The following LRRC20 variants were observed in gnomAD, a reference collection of about 807,000 sequenced individuals.
The protein encoded by LRRC20 is leucine-rich repeat-containing protein 20.
A neutral mutation model predicts 14.4 loss-of-function variants in LRRC20; 11 were observed. The ratio of observed to expected loss-of-function variants is 0.77; its 90% confidence interval spans 0.48 to 1.27. The LOEUF (loss-of-function observed/expected upper bound fraction) is 1.27. Among genes scored for constraint, LRRC20 ranks in the 50% most tolerant of loss-of-function variants. LRRC20 has a pLI of 0.00. For missense variants in LRRC20, 219 were observed against 251.2 expected (o/e 0.87, Z 0.87); for synonymous variants, 121 against 107.3 (o/e 1.13, Z -0.79).
chr10:70,306,102 G>GTCTCTC (rs55733521), intron 4 of LRRC20, among the ~76,000 whole-genome samples: 62 of 144,626 alleles, frequency 4.3e-4, no homozygotes, highest in African/African-American at 7.7e-4. Flanking sequence ...TGCATTTTCT[G>GTCTCTC]TCTCTCTCTC....
intron 2 of LRRC20, among the ~76,000 whole-genome samples, chr10:70,363,502 T>C (rs1843835085): frequency 6.6e-6 from 1 of 152,170 alleles, no homozygotes; most frequent in African/African-American, 2.4e-5. Context: ...GAAATAAATC[T>C]CTGCTGTTCA....
chr10:70,326,564 A>G (rs1228563220), intron 3 of LRRC20, among the ~76,000 whole-genome samples: 1 of 152,156 alleles, frequency 6.6e-6, no homozygotes, highest in African/African-American at 2.4e-5. Flanking sequence ...TCGGAACCCA[A>G]GGTTCCATCA....
At chr10:70,307,531 T>A (rs1203038112) in intron 4 of LRRC20, among the ~76,000 whole-genome samples, 1 of 152,224 alleles carries the variant, frequency 6.6e-6, no homozygotes, top group Non-Finnish European at 1.5e-5. Context: ...TCAAATTGCT[T>A]CTAGAATCTT....
intron 4 of LRRC20, among the ~76,000 whole-genome samples, chr10:70,316,913 G>A (rs1300887604): frequency 2.6e-5 from 4 of 152,230 alleles, no homozygotes; most frequent in Admixed American, 6.5e-5. Context: ...TGAAGCTGCT[G>A]GGCATGCAGG....
intron 2 of LRRC20, among the ~76,000 whole-genome samples, chr10:70,356,253 C>G (rs148931925): frequency 0.016 from 2,472 of 152,242 alleles, 33 homozygotes; most frequent in Non-Finnish European, 0.024. Context: ...GGCTCACGCC[C>G]GTAACCCAAG....
At chr10:70,358,683 G>T (rs1843616499) in intron 2 of LRRC20, among the ~76,000 whole-genome samples, 1 of 152,170 alleles carries the variant, frequency 6.6e-6, no homozygotes, top group South Asian at 2.1e-4. Flanking sequence ...CCGCAGTCTA[G>T]AATGCCCCTC....
chr10:70,340,381 G>C (rs1000567920), intron 3 of LRRC20, among the ~76,000 whole-genome samples, 172 bp downstream of exon 3: 1 of 152,210 alleles, frequency 6.6e-6, no homozygotes, highest in Non-Finnish European at 1.5e-5. Flanking sequence ...GTGACCTAGA[G>C]AGTTCCAAGC....
intron 3 of LRRC20, among the ~76,000 whole-genome samples, chr10:70,327,543 T>G (rs1842374888): frequency 1.3e-5 from 2 of 150,502 alleles, no homozygotes; most frequent in East Asian, 3.9e-4. Flanking sequence ...ATCGCACCAC[T>G]GCACTCCAGC....
intron 2 of LRRC20, among the ~76,000 whole-genome samples, chr10:70,349,115 C>G (rs1843188598): frequency 6.6e-6 from 1 of 151,062 alleles, no homozygotes; most frequent in Admixed American, 6.6e-5. Context: ...GTCTCATTCT[C>G]TATGGGTCCT....
At chr10:70,316,432 C>T (rs1049077370) in intron 4 of LRRC20, among the ~76,000 whole-genome samples, 8 of 152,246 alleles carry the variant, frequency 5.3e-5, no homozygotes, top group Non-Finnish European at 1.0e-4. Flanking sequence ...CGCGCCCGGC[C>T]CTTTTCTTGT....
intron 4 of LRRC20, among the ~76,000 whole-genome samples, chr10:70,304,470 TTATATATATATATA>T (rs57284629): frequency 0.17 from 18,793 of 113,834 alleles, 2,215 homozygotes; most frequent in African/African-American, 0.26. Flanking sequence ...GGCCACTTCT[TTATATATATATATA>T]TATATATATA....
intron 2 of LRRC20, among the ~76,000 whole-genome samples, chr10:70,343,252 T>A (rs1352435774): frequency 6.6e-6 from 1 of 152,084 alleles, no homozygotes; most frequent in Non-Finnish European, 1.5e-5. Flanking sequence ...ATCTTCCCAG[T>A]GGACTGGGAA....
At chr10:70,304,508 T>TATATATA (rs1841344904) in intron 4 of LRRC20, among the ~76,000 whole-genome samples, 2 of 93,218 alleles carry the variant, frequency 2.1e-5, no homozygotes, top group African/African-American at 7.0e-5. Flanking sequence ...ATATATATAT[T>TATATATA]TTACTAAGCA....
chr10:70,333,245 C>G (rs529976011), intron 3 of LRRC20, among the ~76,000 whole-genome samples: 4 of 152,204 alleles, frequency 2.6e-5, no homozygotes, highest in African/African-American at 7.2e-5. Context: ...TCCAGGTGTA[C>G]CCTCCTCCCC....
intron 4 of LRRC20, among the ~76,000 whole-genome samples, chr10:70,318,740 C>T (rs970848488): frequency 4.5e-5 from 6 of 134,632 alleles, no homozygotes; most frequent in African/African-American, 5.6e-5. Context: ...TGTGAGAGAT[C>T]GAGACCCCAT....
At chr10:70,331,959 C>A (rs1468398272) in intron 3 of LRRC20, among the ~76,000 whole-genome samples, 1 of 152,224 alleles carries the variant, frequency 6.6e-6, no homozygotes, top group South Asian at 2.1e-4. Flanking sequence ...GAGAAGCTTG[C>A]CAATTCCATT....
chr10:70,340,461 G>A, intron 3 of LRRC20, 92 bp downstream of exon 3: 1 of 1,456,968 alleles, frequency 6.9e-7, no homozygotes, highest in Non-Finnish European at 9.5e-7. Context: ...CGCTGACCAG[G>A]GACCAGCTCT....
At chr10:70,327,602 T>A (rs1215499567) in intron 3 of LRRC20, among the ~76,000 whole-genome samples, 1 of 151,824 alleles carries the variant, frequency 6.6e-6, no homozygotes, top group Non-Finnish European at 1.5e-5. Flanking sequence ...AAAGTAATAA[T>A]GATAACTAAC....
chr10:70,357,699 C>T (rs1843581141), intron 2 of LRRC20, among the ~76,000 whole-genome samples: 1 of 152,142 alleles, frequency 6.6e-6, no homozygotes, highest in Non-Finnish European at 1.5e-5. Flanking sequence ...AGAAAAGAAG[C>T]CCATATTCAA....
Sources: allele counts gnomAD v4.1 joint callset (sites outside exome capture counted in the v4.1 genomes callset), GRCh38; gene constraint gnomAD v4.1.1; transcripts MANE v1.5; gene names NCBI Gene and HGNC (gene_info 2026-07-23, HGNC 2026-07-21).